Variants in PKP4 observed in about 807,000 individuals in gnomAD.
PKP4 encodes the protein plakophilin-4.
PKP4 carries 90 observed loss-of-function variants against 145.1 expected under a neutral mutation model. The ratio of observed to expected loss-of-function variants is 0.62; its 90% CI spans 0.52 to 0.74. PKP4 has a LOEUF of 0.74. PKP4 is among the 30% of genes least tolerant of loss of function. PKP4 has a pLI of 0.00. For missense variants in PKP4, 1,340 were observed against 1,482.7 expected, an observed-to-expected ratio of 0.90 and a Z score of 1.58; for synonymous variants, 563 against 577.2, an observed-to-expected ratio of 0.98 and a Z score of 0.35.
At chr2:158,622,565 G>T (rs2105895064) in intron 6 of PKP4, among the ~76,000 whole-genome samples, 1 of 152,226 alleles carries the variant, frequency 6.6e-6, no homozygotes, top group South Asian at 2.1e-4. Flanking sequence ...AAGCTCTACA[G>T]GTACACAGCA....
chr2:158,618,533 G>A (rs114024000), intron 4 of PKP4, among the ~76,000 whole-genome samples: 1,819 of 152,156 alleles, frequency 0.012, 18 homozygotes, highest in Middle Eastern at 0.034. Flanking sequence ...TACTAATTTC[G>A]TGAAGTTTTA....
intron 9 of PKP4, among the ~76,000 whole-genome samples, chr2:158,636,538 G>A (rs7607068): frequency 0.068 from 10,372 of 151,914 alleles, 844 homozygotes; most frequent in African/African-American, 0.19. Flanking sequence ...TGAGATTCTT[G>A]GAATGTAGGT....
intron 4 of PKP4, among the ~76,000 whole-genome samples, chr2:158,609,846 G>T (rs532275952): frequency 1.3e-5 from 2 of 152,266 alleles, no homozygotes; most frequent in South Asian, 2.1e-4. Context: ...TTATTGTTGA[G>T]GGGCTGGGGG....
At chr2:158,485,205 T>TA (rs1693993853) in intron 1 of PKP4, among the ~76,000 whole-genome samples, 1 of 152,212 alleles carries the variant, frequency 6.6e-6, no homozygotes, top group Non-Finnish European at 1.5e-5. Context: ...CTTAAAACAA[T>TA]AGTCATTGTT....
At chr2:158,620,487 G>A (rs2052112393) in intron 4 of PKP4, among the ~76,000 whole-genome samples, 1 of 152,186 alleles carries the variant, frequency 6.6e-6, no homozygotes, top group African/African-American at 2.4e-5. Context: ...TTCATTGCTT[G>A]CAATTCTAAA....
intron 3 of PKP4, among the ~76,000 whole-genome samples, chr2:158,602,680 CT>C (rs1452627041): frequency 6.6e-6 from 1 of 152,118 alleles, no homozygotes; most frequent in African/African-American, 2.4e-5. Context: ...CTAATTGCTG[CT>C]TTTGAAAATA....
intron 1 of PKP4, among the ~76,000 whole-genome samples, chr2:158,491,332 G>A (rs991320582): frequency 6.6e-6 from 1 of 152,190 alleles, no homozygotes; most frequent in Non-Finnish European, 1.5e-5. Flanking sequence ...GCTGTGCGGT[G>A]CTGATACTCT....
intron 2 of PKP4, among the ~76,000 whole-genome samples, chr2:158,537,416 T>C (rs369280259): frequency 1.3e-5 from 2 of 152,202 alleles, no homozygotes; most frequent in Non-Finnish European, 2.9e-5. Context: ...ACCAGTGTTA[T>C]GTGTATCAGG....
chr2:158,490,350 T>TAA (rs201525473), intron 1 of PKP4, among the ~76,000 whole-genome samples: 1 of 126,922 alleles, frequency 7.9e-6, no homozygotes, highest in Non-Finnish European at 1.6e-5. Flanking sequence ...CAAATTGATT[T>TAA]AAAAAAAAAA....
chr2:158,656,313 A>G (rs1446640625), intron 11 of PKP4, among the ~76,000 whole-genome samples: 2 of 152,162 alleles, frequency 1.3e-5, no homozygotes, highest in African/African-American at 4.8e-5. Flanking sequence ...AATAGCTCCA[A>G]CTGTAGAATT....
intron 3 of PKP4, among the ~76,000 whole-genome samples, chr2:158,595,301 C>A (rs2049630537): frequency 6.6e-6 from 1 of 152,152 alleles, no homozygotes; most frequent in Non-Finnish European, 1.5e-5. Context: ...TCTTCTAGAT[C>A]CTACTTCTCA....
chr2:158,487,435 T>C (rs1694327184), intron 1 of PKP4, among the ~76,000 whole-genome samples: 1 of 152,174 alleles, frequency 6.6e-6, no homozygotes, highest in South Asian at 2.1e-4. Context: ...CTGCAACTTG[T>C]GAGTAATTCA....
At chr2:158,495,565 G>T (rs986961804) in intron 1 of PKP4, among the ~76,000 whole-genome samples, 1 of 151,958 alleles carries the variant, frequency 6.6e-6, no homozygotes, top group Non-Finnish European at 1.5e-5. Flanking sequence ...TCCGGGTGCC[G>T]TGGCTCCCAC....
chr2:158,596,803 T>C (rs1201658725), intron 3 of PKP4, among the ~76,000 whole-genome samples: 5 of 152,188 alleles, frequency 3.3e-5, no homozygotes, highest in Non-Finnish European at 5.9e-5. Flanking sequence ...CGTATTATTT[T>C]GGTGGTCTCC....
intron 4 of PKP4, among the ~76,000 whole-genome samples, chr2:158,614,978 A>T (rs1259675920): frequency 6.6e-6 from 1 of 151,936 alleles, no homozygotes; most frequent in African/African-American, 2.4e-5. Context: ...TGACAAAGTT[A>T]GTCTGCATGT....
rs750186257 is a variant in PKP4, at chr2:158,621,373, C to T, written c.555C>T (p.Asn185=). 1.2e-5 allele frequency: 20 copies of T among 1,614,052 alleles called. No homozygotes were observed. The highest frequency in any genetic ancestry group is 1.7e-5 in the Non-Finnish European group (20 of 1,180,022). ...AGCATTCATTCATAGGATCAACTAACAACCATGTGGTGAGGAATTCAAGAG... is the reference window on the plus strand; with the variant it reads ...AGCATTCATTCATAGGATCAACTAATAACCATGTGGTGAGGAATTCAAGAG... ...RQQHSFIGST[N]NHVVRNSRAE... Residue 185 remains asparagine (N), a synonymous_variant, in exon 6 of 22, where the codon AAC becomes AAT. Coordinates refer to ENST00000389759, the MANE Select transcript of PKP4 (RefSeq NM_003628.6).
intron 1 of PKP4, among the ~76,000 whole-genome samples, chr2:158,509,550 T>G (rs2041308898): frequency 6.6e-6 from 1 of 152,220 alleles, no homozygotes; most frequent in Non-Finnish European, 1.5e-5. Flanking sequence ...ATCAAGACTT[T>G]GTTAACAGCT....
chr2:158,628,024 A>C (rs1284963515), intron 7 of PKP4, among the ~76,000 whole-genome samples: 1 of 151,582 alleles, frequency 6.6e-6, no homozygotes, highest in Admixed American at 6.6e-5. Context: ...CTCTGTCACC[A>C]GGCTGGAGTA....
At position 158,634,202 on chromosome 2, in the gene PKP4, G is replaced by A. The variant is rs1210499354; in HGVS notation, c.1475G>A (p.Cys492Tyr). ...CCTATACAATACCGAGTGCAAGAGT[G>A]CAATTATAACAGGCTTCAGCATGCA... ...YRPIQYRVQECNYNRLQHAVP... is the reference protein window; with the variant it reads ...YRPIQYRVQEYNYNRLQHAVP... The change falls in exon 9 of 22, where the codon TGC becomes TAC. Residue 492 changes from cysteine (C) to tyrosine (Y), a missense_variant. Coordinates refer to ENST00000389759, the MANE Select transcript of PKP4 (RefSeq NM_003628.6). 6.2e-7 allele frequency: 1 copy of A among 1,614,078 alleles called. No homozygotes were observed. The highest frequency in any genetic ancestry group is 1.1e-5 in the South Asian group (1 of 91,066).
Sources: gnomAD v4.1 joint callset for allele counts (sites outside exome capture counted in the v4.1 genomes callset) on GRCh38, gnomAD v4.1.1 for gene constraint, MANE v1.5 for transcripts, NCBI Gene and HGNC (gene_info 2026-07-23, HGNC 2026-07-21) for gene names.